RNGTT: variants seen among roughly 807,000 people sequenced by gnomAD.
RNGTT encodes mRNA-capping enzyme.
A neutral mutation model predicts 79.3 loss-of-function variants in RNGTT; 33 were observed. The observed-to-expected ratio is 0.42, with a 90% CI of 0.32 to 0.56. RNGTT has a LOEUF of 0.56. RNGTT is among the 20% of genes least tolerant of loss of function. RNGTT has a pLI of 0.17. For missense variants in RNGTT, 497 were observed against 739.1 expected, an observed-to-expected ratio of 0.67 and a Z score of 3.80; for synonymous variants, 222 against 235.9, an observed-to-expected ratio of 0.94 and a Z score of 0.54.
chr6:88,763,516 C>G (rs1778340916), intron 13 of RNGTT, among the ~76,000 whole-genome samples: 1 of 152,154 alleles, frequency 6.6e-6, no homozygotes, highest in African/African-American at 2.4e-5. Context: ...GTAAGGACTC[C>G]AATTTCTGTC....
At chr6:88,708,759 A>AT (rs1237423509) in intron 13 of RNGTT, among the ~76,000 whole-genome samples, 1 of 151,864 alleles carries the variant, frequency 6.6e-6, no homozygotes, top group Non-Finnish European at 1.5e-5. Context: ...ATTTTTTTTA[A>AT]TTTTTTAATT....
chr6:88,951,842 G>C (rs1236206009), intron 1 of RNGTT, among the ~76,000 whole-genome samples: 1 of 152,152 alleles, frequency 6.6e-6, no homozygotes, highest in Non-Finnish European at 1.5e-5. Context: ...GCAGACAGCA[G>C]AATTAGGGAG....
At chr6:88,698,380 C>T (rs1247939588) in intron 13 of RNGTT, among the ~76,000 whole-genome samples, 1 of 146,890 alleles carries the variant, frequency 6.8e-6, no homozygotes, top group Admixed American at 6.9e-5. Context: ...TGCTAGCTAT[C>T]TTGATTTTTA....
At chr6:88,735,104 A>C (rs1225037064) in intron 13 of RNGTT, among the ~76,000 whole-genome samples, 2 of 152,172 alleles carry the variant, frequency 1.3e-5, no homozygotes, top group Non-Finnish European at 2.9e-5. Context: ...TTACTTAATG[A>C]TAAACGGGTC....
At chr6:88,689,875 C>A (rs58588716) in intron 13 of RNGTT, among the ~76,000 whole-genome samples, 38,687 of 133,128 alleles carry the variant, frequency 0.29, 8,631 homozygotes, top group African/African-American at 0.63. Context: ...GTAACAATTA[C>A]AAAAAAAAAA....
Position 88,761,016 on chromosome 6 carries a change from AATACACACAC to A in RNGTT, c.1439+8748_1439+8757del, listed in dbSNP as rs1338418730. Among the ~76,000 whole-genome samples the A allele has an allele frequency of 7.4e-5, 7 of 94,356 alleles. No individual in the cohort carries two copies. The Admixed American group carries it at 7.9e-4, about 11-fold the overall frequency. The allele number at this position is 94,356 out of a possible 152,430, so 61.9% of individuals were successfully genotyped here. A position where few individuals can be genotyped will look rare whatever the true frequency, so the allele number is the denominator to read the frequency against. ...TTTTTTAATGAATTGAAGCAAAAGA[AATACACACAC>A]ACACACACACACACACACACACACA... On this transcript the variant is annotated intron_variant, in intron 13 of 15. Coordinates refer to ENST00000369485, the MANE Select transcript of RNGTT (RefSeq NM_003800.5).
intron 12 of RNGTT, among the ~76,000 whole-genome samples, chr6:88,772,534 C>A (rs1300518667): frequency 6.6e-6 from 1 of 150,750 alleles, no homozygotes; most frequent in East Asian, 2.0e-4. Context: ...AGTGAACAGG[C>A]AACCTACAAA....
At chr6:88,908,554 C>T (rs1015577475) in intron 4 of RNGTT, among the ~76,000 whole-genome samples, 1 of 152,122 alleles carries the variant, frequency 6.6e-6, no homozygotes, top group Admixed American at 6.5e-5. Context: ...CCAGGACTGG[C>T]CCCCAGTTCC....
At chr6:88,911,375 A>G (rs1346940789) in intron 4 of RNGTT, among the ~76,000 whole-genome samples, 2 of 152,232 alleles carry the variant, frequency 1.3e-5, no homozygotes, top group Non-Finnish European at 2.9e-5. Flanking sequence ...CAGCAATAAA[A>G]AAGGACAAAG....
intron 4 of RNGTT, among the ~76,000 whole-genome samples, chr6:88,915,312 C>T (rs1783963939): frequency 6.6e-6 from 1 of 152,166 alleles, no homozygotes; most frequent in African/African-American, 2.4e-5. Context: ...AAGATACCCG[C>T]ACTTGTATGT....
At chr6:88,650,770 T>TA (rs1207855908) in intron 14 of RNGTT, among the ~76,000 whole-genome samples, 4 of 152,144 alleles carry the variant, frequency 2.6e-5, no homozygotes, top group African/African-American at 7.2e-5. Flanking sequence ...ATAATACTGT[T>TA]ACCCAAATCT....
At position 88,701,045 on chromosome 6, in the gene RNGTT, T is replaced by C. The variant is rs552647729; in HGVS notation, c.1440-22626A>G. Among the ~76,000 whole-genome samples, 19 of 151,654 alleles carry C rather than the reference T, an allele frequency of 1.3e-4. No homozygotes were observed. The Middle Eastern group carries it at 0.01, about 81-fold the overall frequency. On this transcript the variant is annotated intron_variant, in intron 13 of 15. Transcript: ENST00000369485. ...AATCTGTCAGAGTTCAAATGGTATA[T>C]GCATGAAAGAAGAATGTATGTATGA...
At chr6:88,620,868 G>C (rs1243830862) in intron 14 of RNGTT, among the ~76,000 whole-genome samples, 1 of 152,192 alleles carries the variant, frequency 6.6e-6, no homozygotes, top group Non-Finnish European at 1.5e-5. Flanking sequence ...TCTTTGTAAA[G>C]CTGGGTCTGG....
chr6:88,826,822 G>GTA (rs1780676662), intron 11 of RNGTT, among the ~76,000 whole-genome samples: 1 of 82,236 alleles, frequency 1.2e-5, no homozygotes, highest in African/African-American at 5.0e-5. Flanking sequence ...ATATATGTGT[G>GTA]TGTATATATA....
intron 11 of RNGTT, among the ~76,000 whole-genome samples, chr6:88,828,675 C>G (rs566754866): frequency 2.6e-5 from 4 of 151,924 alleles, no homozygotes; most frequent in Non-Finnish European, 5.9e-5. Context: ...ACTAGAATAA[C>G]CAGTTTAGAG....
intron 12 of RNGTT, among the ~76,000 whole-genome samples, chr6:88,798,111 C>T (rs115975883): frequency 7.4e-4 from 113 of 151,900 alleles, no homozygotes; most frequent in African/African-American, 2.5e-3. Context: ...GGATTATGTG[C>T]AACTTACATA....
chr6:88,645,699 A>G (rs1200892439), intron 14 of RNGTT, among the ~76,000 whole-genome samples: 1 of 152,148 alleles, frequency 6.6e-6, no homozygotes, highest in Non-Finnish European at 1.5e-5. Flanking sequence ...AAATAATACC[A>G]CACATCTACA....
At chr6:88,938,720 T>C (rs1784749594) in intron 2 of RNGTT, among the ~76,000 whole-genome samples, 1 of 152,196 alleles carries the variant, frequency 6.6e-6, no homozygotes, top group Non-Finnish European at 1.5e-5. Flanking sequence ...TTTTTATTTA[T>C]ATTTTTGTGT....
chr6:88,890,193 G>A (rs1369544515), intron 8 of RNGTT, among the ~76,000 whole-genome samples: 1 of 151,788 alleles, frequency 6.6e-6, no homozygotes, highest in East Asian at 1.9e-4. Flanking sequence ...ACAAGGCAGT[G>A]GGCAGCAGAC....
Sources: gnomAD v4.1 joint callset for allele counts (sites outside exome capture counted in the v4.1 genomes callset) on GRCh38, gnomAD v4.1.1 for gene constraint, MANE v1.5 for transcripts, NCBI Gene and HGNC (gene_info 2026-07-23, HGNC 2026-07-21) for gene names.